The following CCDC141 variants were observed in gnomAD, a reference collection of about 807,000 sequenced individuals.
CCDC141 encodes coiled-coil domain-containing protein 141.
In CCDC141, 168 loss-of-function variants were observed where a neutral mutation model predicts 181.0. The ratio of observed to expected loss-of-function variants is 0.93; its 90% CI spans 0.82 to 1.05. CCDC141 has a LOEUF of 1.05. CCDC141 is among the 50% of genes least tolerant of loss of function. CCDC141 has a pLI of 0.00. For missense variants in CCDC141, 1,902 were observed against 1,788.5 expected (o/e 1.06, Z -1.14); for synonymous variants, 666 against 642.3 (o/e 1.04, Z -0.56).
chr2:179,019,931 T>G (rs1440073260), intron 2 of CCDC141, among the ~76,000 whole-genome samples: 4 of 151,954 alleles, frequency 2.6e-5, no homozygotes, highest in Non-Finnish European at 5.9e-5. Context: ...CATGCCCAGC[T>G]AATTTTTCGA....
chr2:179,013,875 G>A (rs749702441), intron 2 of CCDC141, among the ~76,000 whole-genome samples: 6 of 141,896 alleles, frequency 4.2e-5, no homozygotes, highest in African/African-American at 7.6e-5. Context: ...GGAGAATGGC[G>A]TGAACCTGGG....
chr2:178,914,703 T>C (rs1688366407), intron 7 of CCDC141, among the ~76,000 whole-genome samples: 1 of 152,240 alleles, frequency 6.6e-6, no homozygotes, highest in South Asian at 2.1e-4. Context: ...ATTTATTTTC[T>C]AGCATTTAGA....
At chr2:178,919,328 C>T (rs530266651) in intron 6 of CCDC141, among the ~76,000 whole-genome samples, 1 of 152,146 alleles carries the variant, frequency 6.6e-6, no homozygotes, top group South Asian at 2.1e-4. Flanking sequence ...CTGAGTATAT[C>T]AAAAATCTGC....
chr2:178,817,647 A>C, the CCDC141 span: 1 of 448,076 alleles, frequency 2.2e-6, no homozygotes, highest in Admixed American at 2.6e-5. Flanking sequence ...GACAGGTCTA[A>C]CACTTTCTAG....
intron 5 of CCDC141, among the ~76,000 whole-genome samples, chr2:178,948,635 A>AT (rs1226566841): frequency 6.6e-6 from 1 of 152,108 alleles, no homozygotes; most frequent in Non-Finnish European, 1.5e-5. Context: ...AGGTATTTGG[A>AT]TCACAGGAGC....
chr2:178,877,866 G>C (rs1686415928), intron 12 of CCDC141, 98 bp downstream of exon 12: 1 of 1,162,764 alleles, frequency 8.6e-7, no homozygotes, highest in Admixed American at 1.7e-5. Context: ...CCCTAGGAGA[G>C]AACTGCTGAT....
At chr2:178,934,790 C>T (rs932681422) in intron 6 of CCDC141, among the ~76,000 whole-genome samples, 3 of 152,156 alleles carry the variant, frequency 2.0e-5, no homozygotes, top group Non-Finnish European at 4.4e-5. Context: ...TAGCAGAGAA[C>T]ACCTGCTTTC....
At chr2:178,898,766 G>C (rs552852189) in intron 8 of CCDC141, among the ~76,000 whole-genome samples, 97 of 152,150 alleles carry the variant, frequency 6.4e-4, no homozygotes, top group African/African-American at 2.3e-3. Flanking sequence ...TACTAAGGAG[G>C]CTTCATCTCA....
chr2:179,018,705 T>C (rs970555539), intron 2 of CCDC141, among the ~76,000 whole-genome samples: 1 of 152,162 alleles, frequency 6.6e-6, no homozygotes, highest in Non-Finnish European at 1.5e-5. Context: ...CCTAATGTGG[T>C]TGTTATGTTT....
At chr2:178,869,015 T>C (rs1043162014) in intron 15 of CCDC141, 102 bp downstream of exon 15, 24 of 762,340 alleles carry the variant, frequency 3.1e-5, no homozygotes, top group South Asian at 2.9e-4. Flanking sequence ...AAACTTCTGA[T>C]ACTAGAAGAC....
At chr2:178,928,953 G>T (rs551711170) in intron 6 of CCDC141, among the ~76,000 whole-genome samples, 87 of 152,248 alleles carry the variant, frequency 5.7e-4, no homozygotes, top group Non-Finnish European at 1.1e-3. Flanking sequence ...GTAATAAAAT[G>T]ATTTCTAATT....
chr2:178,817,591 T>C, the CCDC141 span: 2 of 471,020 alleles, frequency 4.2e-6, no homozygotes, highest in Non-Finnish European at 4.4e-6. Context: ...CCTGATCTTC[T>C]GGACACTGTG....
chr2:179,025,522 G>T (rs2042816595), intron 2 of CCDC141, among the ~76,000 whole-genome samples: 1 of 152,180 alleles, frequency 6.6e-6, no homozygotes, highest in Non-Finnish European at 1.5e-5. Flanking sequence ...TGCCATGATT[G>T]TGAGGCCTCC....
intron 2 of CCDC141, among the ~76,000 whole-genome samples, chr2:178,985,714 T>C (rs1236593272): frequency 6.6e-6 from 1 of 152,140 alleles, no homozygotes; most frequent in Non-Finnish European, 1.5e-5. Context: ...CTAGAAAATC[T>C]AGAAGAAATA....
chr2:178,997,899 C>T lies in CCDC141; in HGVS notation c.226-19224G>A, dbSNP rs147924179. On this transcript the variant is annotated intron_variant, in intron 2 of 23. Coordinates refer to ENST00000443758, the MANE Select transcript of CCDC141 (RefSeq NM_173648.4). Reference sequence around the variant, plus strand: ...GGTGCTCCAGCCTTTAACCCGTCCCCCCTCAAGTGGTCTCTCTCTATTGCT... The same window carrying T: ...GGTGCTCCAGCCTTTAACCCGTCCCTCCTCAAGTGGTCTCTCTCTATTGCT... 8.5e-5 allele frequency among the ~76,000 whole-genome samples: 13 copies of T among 152,222 alleles called. No homozygotes were observed. In the East Asian group the frequency reaches 2.3e-3, roughly 27 times the overall value.
chr2:178,980,729 T>G (rs929711243), intron 2 of CCDC141, among the ~76,000 whole-genome samples: 2 of 152,150 alleles, frequency 1.3e-5, no homozygotes, highest in African/African-American at 2.4e-5. Context: ...AGTAAATAAA[T>G]TGGAGTAACA....
At chr2:178,931,250 G>GAA (rs1359938624) in intron 6 of CCDC141, among the ~76,000 whole-genome samples, 3 of 152,074 alleles carry the variant, frequency 2.0e-5, no homozygotes, top group African/African-American at 7.2e-5. Flanking sequence ...AGCTGCTATG[G>GAA]AAAAATAGCA....
At chr2:179,028,943 C>G (rs1009122477) in intron 2 of CCDC141, among the ~76,000 whole-genome samples, 1 of 152,120 alleles carries the variant, frequency 6.6e-6, no homozygotes, top group African/African-American at 2.4e-5. Flanking sequence ...CTTTAAAAAC[C>G]CACTCTTGGC....
At chr2:178,887,478 C>G (rs116278869) in intron 9 of CCDC141, among the ~76,000 whole-genome samples, 147 of 152,260 alleles carry the variant, frequency 9.7e-4, no homozygotes, top group African/African-American at 3.4e-3. Context: ...TTTGTCCCCT[C>G]GCTCTAACTC....
Sources: allele counts gnomAD v4.1 joint callset (sites outside exome capture counted in the v4.1 genomes callset), GRCh38; gene constraint gnomAD v4.1.1; transcripts MANE v1.5; gene names NCBI Gene and HGNC (gene_info 2026-07-23, HGNC 2026-07-21).